ADAMTS19: variants seen among roughly 807,000 people sequenced by gnomAD.
ADAMTS19 encodes A disintegrin and metalloproteinase with thrombospondin motifs 19.
Under a neutral mutation model 153.3 loss-of-function variants are expected in ADAMTS19, and 93 were observed. The observed-to-expected ratio is 0.61, with a 90% CI of 0.51 to 0.72. The LOEUF is 0.72. ADAMTS19 is among the 30% of genes least tolerant of loss of function. ADAMTS19 has a pLI of 0.00. For synonymous variants in ADAMTS19, 600 were observed against 556.6 expected (o/e 1.08, Z -1.10); for missense variants, 1,482 against 1,552.1 (o/e 0.95, Z 0.76).
rs935944681 is a variant in ADAMTS19 at position 129,461,125 on chromosome 5, G to C, written c.115G>C (p.Glu39Gln). ...AGAGCTGCAGTTCGCCCCCGACCGC[G>C]AGGAGTGGGAAGTCGTGTTTCCTGC... ...VSELQFAPDR[E>Q]EWEVVFPALW... Residue 39 changes from glutamate (E) to glutamine (Q), a missense_variant, in exon 2 of 23, where the codon GAG (glutamate) becomes CAG (glutamine). By Grantham distance (29) the Glu-to-Gln change is conservative. This residue lies in a region of ADAMTS19 where 866 missense variants were observed against 827.7 expected (regional missense o/e 1.05). Coordinates refer to ENST00000274487, the MANE Select transcript of ADAMTS19 (RefSeq NM_133638.6). The surrounding 1 kb of genome is among the most constrained non-coding windows in gnomAD (Gnocchi z 4.6). The C allele has an allele frequency of 1.4e-6, 2 of 1,421,090 alleles. No homozygotes were observed. The highest frequency in any genetic ancestry group is 2.7e-5 in the Admixed American group (1 of 36,958). The allele number at this position is 1,421,090 out of a possible 1,614,324, so 88.0% of individuals were successfully genotyped here. A position where few individuals can be genotyped will look rare whatever the true frequency, so the allele number is the denominator to read the frequency against.
At chr5:129,573,750 G>A (rs902119887) in intron 7 of ADAMTS19, among the ~76,000 whole-genome samples, 2 of 152,082 alleles carry the variant, frequency 1.3e-5, no homozygotes, top group Middle Eastern at 3.4e-3. Flanking sequence ...TGTCAAAGTT[G>A]ATTGTTCTTA....
At chr5:129,693,585 G>A (rs1452816795) in intron 18 of ADAMTS19, among the ~76,000 whole-genome samples, 1 of 152,118 alleles carries the variant, frequency 6.6e-6, no homozygotes, top group East Asian at 1.9e-4. Context: ...ATACAGATGT[G>A]TATCTTTTTC....
At chr5:129,580,985 T>G (rs1417091568) in intron 7 of ADAMTS19, among the ~76,000 whole-genome samples, 1 of 152,140 alleles carries the variant, frequency 6.6e-6, no homozygotes, top group Non-Finnish European at 1.5e-5. Context: ...TTTTCTATTG[T>G]TGGGAGTAGT....
At chr5:129,682,213 G>A (rs1446664916) in intron 17 of ADAMTS19, among the ~76,000 whole-genome samples, 1 of 152,110 alleles carries the variant, frequency 6.6e-6, no homozygotes, top group African/African-American at 2.4e-5. Flanking sequence ...GCATCTATGT[G>A]ACCTGGATTT....
chr5:129,599,268 G>A (rs1219296092), intron 8 of ADAMTS19, among the ~76,000 whole-genome samples: 3 of 152,042 alleles, frequency 2.0e-5, no homozygotes, highest in African/African-American at 7.2e-5. Context: ...AAAATCATAG[G>A]CATCATTTGA....
At chr5:129,683,152 T>C (rs1419246010) in intron 17 of ADAMTS19, among the ~76,000 whole-genome samples, 2 of 150,636 alleles carry the variant, frequency 1.3e-5, no homozygotes, top group Admixed American at 1.3e-4. Flanking sequence ...TTCCATGGGA[T>C]TGCTTGACAC....
chr5:129,467,801 T>C (rs1173000174), intron 2 of ADAMTS19, among the ~76,000 whole-genome samples: 1 of 152,252 alleles, frequency 6.6e-6, no homozygotes, highest in Non-Finnish European at 1.5e-5. Flanking sequence ...ATGAAAAATC[T>C]TCCTCAAATA....
intron 17 of ADAMTS19, 97 bp downstream of exon 17, chr5:129,680,018 T>G (rs768297768): frequency 3.2e-5 from 41 of 1,265,918 alleles, no homozygotes; most frequent in Non-Finnish European, 4.2e-5. Context: ...ATTTGAATTG[T>G]CACACAGACA....
chr5:129,485,898 C>G (rs1257593525), intron 2 of ADAMTS19, among the ~76,000 whole-genome samples: 2 of 152,068 alleles, frequency 1.3e-5, no homozygotes, highest in African/African-American at 4.8e-5. Context: ...TCAAGTGATT[C>G]TCCTGCCTCT....
chr5:129,728,204 A>G (rs1757286407), intron 21 of ADAMTS19, among the ~76,000 whole-genome samples: 1 of 152,174 alleles, frequency 6.6e-6, no homozygotes, highest in African/African-American at 2.4e-5. Flanking sequence ...AAAGGGGAAG[A>G]ACCCACAGTT....
intron 18 of ADAMTS19, among the ~76,000 whole-genome samples, chr5:129,685,561 A>G (rs189433369): frequency 7.9e-5 from 12 of 152,180 alleles, no homozygotes; most frequent in African/African-American, 2.9e-4. Context: ...GGAACATGAA[A>G]GTCAATGGTT....
chr5:129,514,294 G>T (rs940753993), intron 3 of ADAMTS19, among the ~76,000 whole-genome samples: 4 of 151,964 alleles, frequency 2.6e-5, no homozygotes, highest in African/African-American at 4.8e-5. Context: ...CTTTCTTTTG[G>T]GTATAAACCC....
At chr5:129,583,572 C>A (rs1225348088) in intron 7 of ADAMTS19, among the ~76,000 whole-genome samples, 4 of 152,058 alleles carry the variant, frequency 2.6e-5, no homozygotes, top group African/African-American at 9.7e-5. Flanking sequence ...TTGGTCTTTT[C>A]ACATAGTGCC....
At chr5:129,471,709 C>G (rs948376073) in intron 2 of ADAMTS19, among the ~76,000 whole-genome samples, 1 of 152,132 alleles carries the variant, frequency 6.6e-6, no homozygotes, top group African/African-American at 2.4e-5. Context: ...TCCTCCCACC[C>G]TCCACCCTCT....
chr5:129,561,055 TTTGA>T (rs1475257824), intron 7 of ADAMTS19, among the ~76,000 whole-genome samples: 2 of 152,200 alleles, frequency 1.3e-5, no homozygotes, highest in South Asian at 2.1e-4. Flanking sequence ...CTAAAAACAT[TTTGA>T]TTTATTTAAA....
intron 2 of ADAMTS19, among the ~76,000 whole-genome samples, chr5:129,481,121 A>ACCT (rs1750393187): frequency 6.6e-6 from 1 of 152,180 alleles, no homozygotes; most frequent in African/African-American, 2.4e-5. Context: ...AGACTAGTTA[A>ACCT]TTTATAAACA....
intron 14 of ADAMTS19, 144 bp downstream of exon 14, chr5:129,654,577 A>AG: frequency 2.2e-6 from 2 of 901,654 alleles, no homozygotes; most frequent in Non-Finnish European, 1.6e-6. Context: ...ACCTTGAGCA[A>AG]GTCTGATTTA....
intron 10 of ADAMTS19, among the ~76,000 whole-genome samples, chr5:129,635,576 T>TA (rs943371598): frequency 1.3e-5 from 2 of 152,090 alleles, no homozygotes; most frequent in South Asian, 2.1e-4. Context: ...TATGCAGCCA[T>TA]AAAAAATGAG....
Position 129,461,384 on chromosome 5 carries a change from C to A in ADAMTS19, c.374C>A (p.Ser125Ter). 7.4e-7 allele frequency: 1 copy of A among 1,350,940 alleles called. No individual in the cohort carries two copies. The highest frequency in any genetic ancestry group is 9.4e-7 in the Non-Finnish European group (1 of 1,062,782). The allele number at this position is 1,350,940 out of a possible 1,614,324, so 83.7% of individuals were successfully genotyped here. Residue 125 changes from serine (S) to a stop codon, truncating the protein, a stop_gained, in exon 2 of 23, where the codon TCG becomes TAG. Transcript: ENST00000274487. LOFTEE classifies it high-confidence loss of function. This position sits in a 1 kb window ranked among gnomAD's most constrained non-coding sequence, Gnocchi z 4.6. Reference sequence around the variant, plus strand: ...GGTGAGGAGGACGAGGAGCTCGAGTCGCAGGAGCTGCCGCGGGGATCCAGC... The same window carrying A: ...GGTGAGGAGGACGAGGAGCTCGAGTAGCAGGAGCTGCCGCGGGGATCCAGC... ...SEGEEDEELE[S>*]QELPRGSSGA...
Sources: allele counts gnomAD v4.1 joint callset (sites outside exome capture counted in the v4.1 genomes callset), GRCh38; gene constraint gnomAD v4.1.1; regional missense constraint gnomAD v4.1.1; non-coding constraint Gnocchi (gnomAD v3.1); transcripts MANE v1.5; gene names NCBI Gene and HGNC (gene_info 2026-07-23, HGNC 2026-07-21).